The following OSTC variants were observed in gnomAD, a reference collection of about 807,000 sequenced individuals.
The protein encoded by OSTC is oligosaccharyltransferase complex non-catalytic subunit.
In OSTC, 16 loss-of-function variants were observed where a neutral mutation model predicts 16.4. The observed-to-expected ratio is 0.98, with a 90% CI of 0.66 to 1.49. OSTC has a LOEUF of 1.49. Ranked by LOEUF, OSTC falls within the 40% of genes most tolerant of loss-of-function variation. The pLI, the probability that OSTC is intolerant of heterozygous loss-of-function variation, is 0.00. For synonymous variants in OSTC, 67 were observed against 68.5 expected (o/e 0.98, Z 0.11); for missense variants, 139 against 186.3 (o/e 0.75, Z 1.48).
chr4:108,662,664 T>C (rs1372824384), intron 3 of OSTC, among the ~76,000 whole-genome samples: 1 of 152,246 alleles, frequency 6.6e-6, no homozygotes, highest in Non-Finnish European at 1.5e-5. Context: ...ATTAATTACC[T>C]TTTAAATCAG....
At chr4:108,657,108 G>A (rs961860409) in intron 2 of OSTC, among the ~76,000 whole-genome samples, 14 of 151,492 alleles carry the variant, frequency 9.2e-5, no homozygotes, top group Admixed American at 6.6e-4. Flanking sequence ...TAAAGCGTTC[G>A]TATACATAAA....
Position 108,667,387 on chromosome 4 carries a change from T to C in OSTC, c.*122T>C, listed in dbSNP as rs1000686399. On this transcript the variant is annotated 3_prime_UTR_variant, in exon 4 of 4. Coordinates refer to ENST00000361564, the MANE Select transcript of OSTC (RefSeq NM_021227.4). ...ATGAAGAGCAGCAGTAAAAGAAATATCTAGTGAAAAAACAGGAAGCGTATT... is the reference window on the plus strand; with the variant it reads ...ATGAAGAGCAGCAGTAAAAGAAATACCTAGTGAAAAAACAGGAAGCGTATT... 1.7e-5 allele frequency: 13 copies of C among 775,300 alleles called. No homozygotes were observed. The highest frequency in any genetic ancestry group is 2.2e-5 in the South Asian group (1 of 45,000). The allele number at this position is 775,300 out of a possible 1,614,324, so 48.0% of individuals were successfully genotyped here. A position where few individuals can be genotyped will look rare whatever the true frequency, so the allele number is the denominator to read the frequency against.
intron 3 of OSTC, among the ~76,000 whole-genome samples, chr4:108,661,228 A>T (rs1726848881): frequency 6.6e-6 from 1 of 152,052 alleles, no homozygotes; most frequent in African/African-American, 2.4e-5. Context: ...AAAAAAAAAA[A>T]AAAAAAAGAA....
chr4:108,663,099 G>T (rs1393537182), intron 3 of OSTC: 1 of 418,888 alleles, frequency 2.4e-6, no homozygotes, highest in African/African-American at 2.0e-5. Context: ...CAATCATAAT[G>T]TAAGTGTTAA....
In OSTC at chr4:108,650,630, C is replaced by T. The variant is rs555647412; in HGVS notation, c.-26C>T. ...CCGGGAGGCGCGTGGGGCTTGAGGC[C>T]GAGAACGGCCCTTGCTGCCACCAAC... is the stretch of plus-strand genomic sequence containing the variant. On this transcript the variant is annotated 5_prime_UTR_variant, in exon 1 of 4. Coordinates refer to ENST00000361564, the MANE Select transcript of OSTC (RefSeq NM_021227.4). 6.4e-5 allele frequency: 104 copies of T among 1,612,472 alleles called. 1 individual carries two copies. The South Asian group carries it at 6.7e-4, about 10-fold the overall frequency.
chr4:108,667,164 T>C (rs1727029867), intron 3 of OSTC, 83 bp from the exon 4 acceptor site: 1 of 1,123,194 alleles, frequency 8.9e-7, no homozygotes, highest in Non-Finnish European at 1.3e-6. Flanking sequence ...AAAATTTGTT[T>C]TGGCATTTTG....
In OSTC at chr4:108,661,199, C is replaced by T. The variant is rs148603584; in HGVS notation, c.431+3552C>T. ...TGCCACTGCATTCCAGGCTTGGTGA[C>T]AGAGTGGGACTCCATCTCAAAAAAA... On this transcript the variant is annotated intron_variant, in intron 3 of 3. Coordinates refer to ENST00000361564, the MANE Select transcript of OSTC (RefSeq NM_021227.4). 1.7e-3 allele frequency among the ~76,000 whole-genome samples: 218 copies of T among 126,406 alleles called. 1 individual carries two copies. Among genetic ancestry groups the T allele is most frequent in the African/African-American group, 6.3e-3 (208 of 33,004 alleles). 82.9% of individuals were successfully genotyped at this position (126,406 alleles called of 152,430 possible).
intron 3 of OSTC, among the ~76,000 whole-genome samples, chr4:108,663,899 G>A (rs1726928118): frequency 6.6e-6 from 1 of 152,110 alleles, no homozygotes; most frequent in Non-Finnish European, 1.5e-5. Flanking sequence ...TGGTTTTTGA[G>A]TTCTTGATTT....
chr4:108,652,380 A>G (rs1726578476), intron 1 of OSTC: 1 of 152,084 alleles, frequency 6.6e-6, no homozygotes, highest in African/African-American at 2.4e-5. Flanking sequence ...GAGAAGCCTC[A>G]GTTTTCTTTG....
chr4:108,657,917 CTTTTTTTTTTTTT>C (rs70949037), intron 3 of OSTC, among the ~76,000 whole-genome samples: 23 of 67,202 alleles, frequency 3.4e-4, no homozygotes, highest in Middle Eastern at 0.016. Flanking sequence ...GTCATTGTTT[CTTTTTTTTTTTTT>C]TTTTTTTTTT....
intron 3 of OSTC, among the ~76,000 whole-genome samples, chr4:108,663,907 T>A: frequency 6.6e-6 from 1 of 152,320 alleles, no homozygotes; most frequent in East Asian, 1.9e-4. Flanking sequence ...GAGTTCTTGA[T>A]TTACTTTTTA....
At chr4:108,666,333 C>A (rs988643050) in intron 3 of OSTC, among the ~76,000 whole-genome samples, 1 of 152,146 alleles carries the variant, frequency 6.6e-6, no homozygotes, top group African/African-American at 2.4e-5. Flanking sequence ...GATTCTGACT[C>A]TTAACTTTAA....
intron 1 of OSTC, 99 bp downstream of exon 1, chr4:108,650,893 T>A: frequency 6.5e-7 from 1 of 1,541,166 alleles, no homozygotes; most frequent in Non-Finnish European, 8.8e-7. Flanking sequence ...GGGGGAAGCA[T>A]AGCTCTGCTT....
chr4:108,660,548 G>A (rs182264413), intron 3 of OSTC, among the ~76,000 whole-genome samples: 21 of 152,246 alleles, frequency 1.4e-4, no homozygotes, highest in Admixed American at 1.2e-3. Flanking sequence ...CTTCTTTCAT[G>A]CAAATTATCT....
chr4:108,654,509 T>G (rs1184345870), intron 1 of OSTC, among the ~76,000 whole-genome samples: 1 of 152,182 alleles, frequency 6.6e-6, no homozygotes, highest in African/African-American at 2.4e-5. Flanking sequence ...GTGGGAATCT[T>G]CCTCTTTGTA....
chr4:108,651,684 AAAATT>A (rs147961558), intron 1 of OSTC, among the ~76,000 whole-genome samples: 2,379 of 152,270 alleles, frequency 0.016, 53 homozygotes, highest in African/African-American at 0.053. Flanking sequence ...TGGAAATTAT[AAAATT>A]AATTTAGATT....
intron 3 of OSTC, 140 bp downstream of exon 3, chr4:108,657,787 G>A (rs1418122319): frequency 2.7e-6 from 2 of 744,220 alleles, no homozygotes; most frequent in Non-Finnish European, 4.3e-6. Flanking sequence ...TTGTAACTTG[G>A]TCAGGTTACA....
Position 108,657,550 on chromosome 4 carries a change from A to G in OSTC, c.334A>G (p.Ile112Val), listed in dbSNP as rs763762523. ...IILDRSNAPN[I>V]PKLNRFLLLF... ...CCTGGACCGATCGAATGCACCAAAT[A>G]TCCCAAAACTCAATAGATTCCTTCT... The change falls in exon 3 of 4, where the codon ATC becomes GTC. Residue 112 changes from isoleucine (I) to valine (V), a missense_variant. Physicochemically the swap from Ile to Val is conservative, Grantham distance 29 (BLOSUM62 3). Transcript: ENST00000361564. The G allele has an allele frequency of 1.9e-6, 3 of 1,613,742 alleles. No individual in the cohort carries two copies. The East Asian group carries it at 6.7e-5, about 36-fold the overall frequency.
At chr4:108,650,985 AAGAGAATT>A in intron 1 of OSTC, 191 bp downstream of exon 1, 1 of 737,532 alleles carries the variant, frequency 1.4e-6, no homozygotes. Context: ...GCCCTGTCTT[AAGAGAATT>A]CGTGTTCTCA....
Sources: gnomAD v4.1 joint callset for allele counts (sites outside exome capture counted in the v4.1 genomes callset) on GRCh38, gnomAD v4.1.1 for gene constraint, MANE v1.5 for transcripts, NCBI Gene and HGNC (gene_info 2026-07-23, HGNC 2026-07-21) for gene names.